The following SLC2A13 variants were observed in gnomAD, a reference collection of about 807,000 sequenced individuals.
SLC2A13 encodes the protein proton myo-inositol cotransporter.
A neutral mutation model predicts 64.4 loss-of-function variants in SLC2A13; 32 were observed. That is an observed-to-expected ratio of 0.50 (90% CI 0.37 to 0.67). The LOEUF (loss-of-function observed/expected upper bound fraction) is 0.67, where lower values mean the gene tolerates loss of function less well. SLC2A13 is among the 30% of genes least tolerant of loss of function. The pLI is 0.00. For missense variants in SLC2A13, 743 were observed against 829.2 expected (o/e 0.90, Z 1.28); for synonymous variants, 338 against 327.1 (o/e 1.03, Z -0.36).
intron 4 of SLC2A13, among the ~76,000 whole-genome samples, chr12:39,929,233 T>C (rs1026264178): frequency 6.6e-6 from 1 of 152,054 alleles, no homozygotes; most frequent in Non-Finnish European, 1.5e-5. Flanking sequence ...GTAAGAATCA[T>C]GATAAAGATG....
chr12:39,812,430 C>T (rs1942203820), intron 7 of SLC2A13, among the ~76,000 whole-genome samples: 1 of 140,380 alleles, frequency 7.1e-6, no homozygotes, highest in African/African-American at 2.7e-5. Context: ...TCCTGCCTTC[C>T]TTCCTTTTCT....
chr12:40,011,932 G>A (rs1013863652), intron 3 of SLC2A13, among the ~76,000 whole-genome samples: 3 of 152,112 alleles, frequency 2.0e-5, no homozygotes, highest in Non-Finnish European at 4.4e-5. Context: ...TGCAGAGGTC[G>A]CGTGTCCATG....
rs532729529 is a variant in SLC2A13 at position 39,851,680 on chromosome 12, C to G, written c.1319+13082G>C. ...AAAACACCAATTATGCTAGATACATCAAGAGAAAAGCAGCGGAATGAAGGA... is the reference window on the plus strand; with the variant it reads ...AAAACACCAATTATGCTAGATACATGAAGAGAAAAGCAGCGGAATGAAGGA... On this transcript the variant is annotated intron_variant, in intron 6 of 9. Transcript: ENST00000280871. Among the ~76,000 whole-genome samples the G allele has an allele frequency of 3.9e-5, 6 of 152,184 alleles. No homozygotes were observed. In the South Asian group the frequency reaches 1.2e-3, roughly 32 times the overall value.
chr12:39,827,928 G>A (rs371847388), intron 7 of SLC2A13, among the ~76,000 whole-genome samples: 18 of 152,092 alleles, frequency 1.2e-4, no homozygotes, highest in African/African-American at 4.1e-4. Flanking sequence ...TATGGCTATG[G>A]ATTGCCTCAA....
At chr12:40,042,248 A>T (rs1294830984) in intron 2 of SLC2A13, among the ~76,000 whole-genome samples, 3 of 151,796 alleles carry the variant, frequency 2.0e-5, no homozygotes, top group Admixed American at 1.3e-4. Context: ...TTTTTTTTTT[A>T]AAGTAGATCT....
chr12:40,022,862 A>C (rs1203230633), intron 3 of SLC2A13, among the ~76,000 whole-genome samples: 1 of 151,948 alleles, frequency 6.6e-6, no homozygotes, highest in African/African-American at 2.4e-5. Flanking sequence ...TTTAATATGT[A>C]ATTTTTTAAC....
At chr12:39,997,943 A>T (rs968185215) in intron 3 of SLC2A13, among the ~76,000 whole-genome samples, 7 of 152,216 alleles carry the variant, frequency 4.6e-5, no homozygotes, top group African/African-American at 1.7e-4. Context: ...TAGTACAACC[A>T]CTATGGAAAG....
chr12:40,098,844 C>T (rs1939051035), intron 1 of SLC2A13, among the ~76,000 whole-genome samples: 1 of 152,220 alleles, frequency 6.6e-6, no homozygotes, highest in Non-Finnish European at 1.5e-5. Flanking sequence ...AGTACTACGT[C>T]CAGGGTGTTG....
chr12:39,933,511 A>AT (rs1945865737), intron 4 of SLC2A13, among the ~76,000 whole-genome samples: 1 of 152,082 alleles, frequency 6.6e-6, no homozygotes, highest in Admixed American at 6.5e-5. Flanking sequence ...TGTCTCAGTA[A>AT]TTTTTTTCAT....
At chr12:39,802,740 A>T (rs1385350647) in intron 7 of SLC2A13, among the ~76,000 whole-genome samples, 1 of 152,184 alleles carries the variant, frequency 6.6e-6, no homozygotes, top group Non-Finnish European at 1.5e-5. Flanking sequence ...TACAGAGATA[A>T]AGATAGATAT....
At chr12:39,976,576 TAA>T (rs1565571604) in intron 3 of SLC2A13, among the ~76,000 whole-genome samples, 1 of 151,666 alleles carries the variant, frequency 6.6e-6, no homozygotes, top group African/African-American at 2.4e-5. Context: ...CTTTTTTTTT[TAA>T]AGACTGGGGG....
chr12:39,960,878 G>T (rs1946400639), intron 3 of SLC2A13, among the ~76,000 whole-genome samples: 1 of 150,172 alleles, frequency 6.7e-6, no homozygotes, highest in Non-Finnish European at 1.5e-5. Flanking sequence ...CTCTCGAGTG[G>T]CTGAGATTAC....
Position 39,859,692 on chromosome 12 carries a change from T to A in SLC2A13, c.1319+5070A>T, listed in dbSNP as rs1943707230. Among the ~76,000 whole-genome samples the A allele has an allele frequency of 2.0e-5, 3 of 151,966 alleles. No homozygotes were observed. The South Asian group carries it at 6.2e-4, about 32-fold the overall frequency. ...CACCCACAACCGCACCTGGCTAATT[T>A]TTTTTTGTATTTTTAGTAGAGCTGG... is the stretch of plus-strand genomic sequence containing the variant. On this transcript the variant is annotated intron_variant, in intron 6 of 9. Transcript: ENST00000280871.
intron 3 of SLC2A13, among the ~76,000 whole-genome samples, chr12:40,022,651 A>T (rs1262843801): frequency 6.6e-6 from 1 of 152,222 alleles, no homozygotes; most frequent in Non-Finnish European, 1.5e-5. Context: ...AGCCTGGCCA[A>T]CGCGGTGAAA....
chr12:39,963,735 A>C (rs1166551193), intron 3 of SLC2A13, among the ~76,000 whole-genome samples: 1 of 152,226 alleles, frequency 6.6e-6, no homozygotes, highest in Non-Finnish European at 1.5e-5. Flanking sequence ...GGTTAAAGAA[A>C]CTGTATTTGT....
At chr12:40,101,087 G>T (rs1382594478) in intron 1 of SLC2A13, among the ~76,000 whole-genome samples, 5 of 151,762 alleles carry the variant, frequency 3.3e-5, no homozygotes, top group African/African-American at 4.8e-5. Context: ...GATGGTCATG[G>T]TAGCAGGCAG....
intron 3 of SLC2A13, among the ~76,000 whole-genome samples, chr12:40,010,445 T>C (rs1298995375): frequency 6.6e-6 from 1 of 151,306 alleles, no homozygotes; most frequent in East Asian, 1.9e-4. Context: ...TAGGTAAGGC[T>C]TTTTTTTTCT....
At chr12:40,044,253 T>C (rs773789244) in intron 2 of SLC2A13, among the ~76,000 whole-genome samples, 5 of 152,146 alleles carry the variant, frequency 3.3e-5, no homozygotes, top group Non-Finnish European at 7.3e-5. Context: ...ATATGAAATA[T>C]ACAGAATACA....
At chr12:40,047,463 T>A (rs573293413) in intron 2 of SLC2A13, among the ~76,000 whole-genome samples, 3 of 152,184 alleles carry the variant, frequency 2.0e-5, no homozygotes, top group East Asian at 3.8e-4. Flanking sequence ...GCCCATAATA[T>A]CTTTTAAGCT....
Sources: allele counts gnomAD v4.1 joint callset (sites outside exome capture counted in the v4.1 genomes callset), GRCh38; gene constraint gnomAD v4.1.1; transcripts MANE v1.5; gene names NCBI Gene and HGNC (gene_info 2026-07-23, HGNC 2026-07-21).